Variants in GSK3B observed in about 807,000 individuals in gnomAD.
The protein encoded by GSK3B is glycogen synthase kinase-3 beta.
A neutral mutation model predicts 56.4 loss-of-function variants in GSK3B; 15 were observed. The ratio of observed to expected loss-of-function variants is 0.27; its 90% confidence interval spans 0.18 to 0.41. The LOEUF is 0.41. GSK3B is among the 10% of genes least tolerant of loss of function. The pLI is 1.00. For synonymous variants in GSK3B, 181 were observed against 188.9 expected, an observed-to-expected ratio of 0.96 and a Z score of 0.34; for missense variants, 300 against 513.4, an observed-to-expected ratio of 0.58 and a Z score of 4.02.
At chr3:119,884,774 A>G (rs1455471259) in intron 7 of GSK3B, among the ~76,000 whole-genome samples, 4 of 152,176 alleles carry the variant, frequency 2.6e-5, no homozygotes, top group Admixed American at 6.6e-5. Flanking sequence ...GAGGTTATAA[A>G]CAAGTTTCAA....
At chr3:120,076,553 C>T (rs1001155549) in intron 1 of GSK3B, among the ~76,000 whole-genome samples, 8 of 152,216 alleles carry the variant, frequency 5.3e-5, no homozygotes, top group South Asian at 2.1e-4. Flanking sequence ...CGGTGGCTCA[C>T]GCCTGTAATC....
intron 1 of GSK3B, among the ~76,000 whole-genome samples, chr3:120,018,819 A>G (rs1173514459): frequency 6.6e-6 from 1 of 152,218 alleles, no homozygotes. Flanking sequence ...GTAAAAAGAG[A>G]GCCAGAAATT....
chr3:120,050,906 T>C (rs1312836286), intron 1 of GSK3B, among the ~76,000 whole-genome samples: 1 of 152,094 alleles, frequency 6.6e-6, no homozygotes, highest in Admixed American at 6.5e-5. Context: ...GAGGTCAAAA[T>C]ATAAACACTT....
intron 1 of GSK3B, among the ~76,000 whole-genome samples, chr3:120,085,586 G>A (rs1388092864): frequency 2.0e-5 from 3 of 152,168 alleles, no homozygotes; most frequent in Non-Finnish European, 4.4e-5. Context: ...GATTGCCTGA[G>A]GTCAGGAGTT....
rs541406857 is a variant in GSK3B at position 120,090,026 on chromosome 3, C to T, written c.88+3321G>A. ...AAGTGAAGGCTCTCAATACTTTATT[C>T]TTAGATAAATTTTGCATTTAAAATA... is the stretch of plus-strand genomic sequence containing the variant. On this transcript the variant is annotated intron_variant, in intron 1 of 10. Coordinates refer to ENST00000264235, the MANE Select transcript of GSK3B (RefSeq NM_001146156.2). Among the ~76,000 whole-genome samples the T allele has an allele frequency of 1.9e-4, 29 of 151,976 alleles. No individual in the cohort carries two copies. In the South Asian group the frequency reaches 5.8e-3, roughly 30 times the overall value.
At chr3:120,004,557 C>T (rs60049973) in intron 1 of GSK3B, among the ~76,000 whole-genome samples, 9,185 of 152,184 alleles carry the variant, frequency 0.06, 896 homozygotes, top group African/African-American at 0.21. Context: ...CCCTCTGGGA[C>T]GAAGCATCCA....
At chr3:120,090,446 T>C (rs1271888995) in intron 1 of GSK3B, among the ~76,000 whole-genome samples, 1 of 152,194 alleles carries the variant, frequency 6.6e-6, no homozygotes, top group Non-Finnish European at 1.5e-5. Context: ...TGAACTCACC[T>C]ACCCTCTCAC....
At chr3:119,934,383 GCAGA>G (rs910203949) in intron 3 of GSK3B, among the ~76,000 whole-genome samples, 6 of 152,100 alleles carry the variant, frequency 3.9e-5, no homozygotes, top group African/African-American at 1.4e-4. Context: ...CATTAAAAAA[GCAGA>G]CAAACTCCAA....
intron 2 of GSK3B, among the ~76,000 whole-genome samples, chr3:119,957,597 A>G (rs1419917465): frequency 6.6e-6 from 1 of 152,270 alleles, no homozygotes; most frequent in Admixed American, 6.5e-5. Flanking sequence ...AACAATAGCA[A>G]TGATGGCACC....
intron 1 of GSK3B, among the ~76,000 whole-genome samples, chr3:120,076,225 C>T (rs1019772540): frequency 3.3e-5 from 5 of 152,080 alleles, no homozygotes; most frequent in African/African-American, 1.2e-4. Flanking sequence ...GGATAAAAAC[C>T]TAAACATAAG....
At chr3:120,038,645 A>G (rs1435463064) in intron 1 of GSK3B, among the ~76,000 whole-genome samples, 1 of 152,202 alleles carries the variant, frequency 6.6e-6, no homozygotes, top group African/African-American at 2.4e-5. Context: ...ACTTACACAA[A>G]AATTAACTCA....
chr3:120,085,879 C>A (rs1026628682), intron 1 of GSK3B, among the ~76,000 whole-genome samples: 1 of 151,988 alleles, frequency 6.6e-6, no homozygotes, highest in Admixed American at 6.6e-5. Flanking sequence ...AAATAAGATA[C>A]CTTTCCTTGG....
intron 5 of GSK3B, among the ~76,000 whole-genome samples, chr3:119,915,009 T>A (rs574563696): frequency 1.3e-5 from 2 of 152,124 alleles, no homozygotes; most frequent in African/African-American, 2.4e-5. Context: ...GGAGAGAGAT[T>A]AGGTGATTAC....
At chr3:120,013,779 A>G (rs191964781) in intron 1 of GSK3B, among the ~76,000 whole-genome samples, 1 of 152,248 alleles carries the variant, frequency 6.6e-6, no homozygotes, top group Admixed American at 6.5e-5. Context: ...GACTGTCAGA[A>G]GAGGAAACTC....
rs61520236 is a variant in GSK3B, at chr3:120,015,649, C to CAAA, written c.89-13413_89-13411dup. ...TGGGAGACAGGGTGAGACTCTGTCT[C>CAAA]AAAAAAAAAAAAAAAAAAAAAAAAA... On this transcript the variant is annotated intron_variant, in intron 1 of 10. Transcript: ENST00000264235. Among the ~76,000 whole-genome samples the CAAA allele has an allele frequency of 1.9e-4, 9 of 46,948 alleles. 1 individual carries two copies. The highest frequency in any genetic ancestry group is 1.3e-3 in the South Asian group (1 of 752). The allele number at this position is 46,948 out of a possible 152,430, so 30.8% of individuals were successfully genotyped here. A position where few individuals can be genotyped will look rare whatever the true frequency, so the allele number is the denominator to read the frequency against.
At chr3:119,974,388 G>A (rs1356459926) in intron 2 of GSK3B, among the ~76,000 whole-genome samples, 1 of 152,076 alleles carries the variant, frequency 6.6e-6, no homozygotes, top group African/African-American at 2.4e-5. Context: ...CTGTTGGGAG[G>A]TGATCATGCT....
At chr3:120,044,105 C>T (rs2058084290) in intron 1 of GSK3B, among the ~76,000 whole-genome samples, 1 of 152,194 alleles carries the variant, frequency 6.6e-6, no homozygotes, top group South Asian at 2.1e-4. Flanking sequence ...CGGGCATGGG[C>T]TGCATGGTAA....
intron 1 of GSK3B, among the ~76,000 whole-genome samples, chr3:120,011,701 A>G (rs1266712323): frequency 6.6e-6 from 1 of 152,222 alleles, no homozygotes; most frequent in Non-Finnish European, 1.5e-5. Flanking sequence ...CATGAACATT[A>G]GTAGTGCCAT....
At chr3:119,999,710 A>G (rs1254455101) in intron 2 of GSK3B, among the ~76,000 whole-genome samples, 1 of 152,220 alleles carries the variant, frequency 6.6e-6, no homozygotes, top group Non-Finnish European at 1.5e-5. Context: ...GAAGTTTCAT[A>G]CAGGAAGAAT....
Sources: gnomAD v4.1 joint callset for allele counts (sites outside exome capture counted in the v4.1 genomes callset) on GRCh38, gnomAD v4.1.1 for gene constraint, MANE v1.5 for transcripts, NCBI Gene and HGNC (gene_info 2026-07-23, HGNC 2026-07-21) for gene names.